The following TAF1 variants were observed in gnomAD, a reference collection of about 807,000 sequenced individuals.
TAF1 encodes TATA-box binding protein associated factor 1, also known as transcription initiation factor TFIID subunit 1.
Under a neutral mutation model 138.5 loss-of-function variants are expected in TAF1, and 2 were observed. That is an observed-to-expected ratio of 0.01 (90% CI 0.01 to 0.05). TAF1 has a LOEUF of 0.05. Ranked by LOEUF, TAF1 falls within the 10% of genes least tolerant of loss-of-function variation. The probability of loss-of-function intolerance (pLI) is 1.00; values close to 1 mark genes in which losing one functional copy is unlikely to be tolerated. For missense variants in TAF1, 709 were observed against 1,478.0 expected (o/e 0.48, Z 8.53); for synonymous variants, 437 against 503.2 (o/e 0.87, Z 1.76).
At chrX:71,438,779 A>G (rs2037271441) in intron 32 of TAF1, among the ~76,000 whole-genome samples, 6 of 111,727 alleles carry the variant, frequency 5.4e-5, no homozygotes, top group Admixed American at 4.8e-4. Flanking sequence ...CCTGGCCAAC[A>G]TGGTGAAACC....
intron 32 of TAF1, among the ~76,000 whole-genome samples, chrX:71,429,557 C>T (rs1425778621): frequency 9.1e-6 from 1 of 109,778 alleles, no homozygotes; most frequent in African/African-American, 3.3e-5. Context: ...GGTAGAGGGG[C>T]CAAATCATGA....
chrX:71,528,463 T>G (rs1331717507), intron 13 of TAF1: 9 of 281,887 alleles, frequency 3.2e-5, no homozygotes, highest in Admixed American at 1.6e-4. Flanking sequence ...GATTCTGTAT[T>G]GGAGGTAGTA....
chrX:71,382,216 A>G (rs1326378067), intron 9 of TAF1, among the ~76,000 whole-genome samples: 2 of 111,865 alleles, frequency 1.8e-5, no homozygotes, highest in African/African-American at 6.5e-5. Flanking sequence ...AAATTGTGGC[A>G]GTTAGTTTTT....
At position 71,432,499 on chromosome X, in the gene TAF1, CTTTT is replaced by C. The variant is rs200161016; in HGVS notation, c.4753+8272_4753+8275del. On this transcript the variant is annotated intron_variant, in intron 32 of 37. Transcript: ENST00000423759. The stretch of plus-strand genomic sequence containing the variant: ...TTGAAGGTCCAGCTGAAGATGGAGA[CTTTT>C]TTTTTTTTTTGGCAGTATCAGTTGG... 1.1e-4 allele frequency among the ~76,000 whole-genome samples: 11 copies of C among 97,357 alleles called. No individual in the cohort carries two copies. In the East Asian group the frequency reaches 2.5e-3, roughly 22 times the overall value. The allele number at this position is 97,357 out of a possible 115,157, so 84.5% of individuals were successfully genotyped here.
At chrX:71,405,662 T>G (rs914610281) in intron 25 of TAF1, among the ~76,000 whole-genome samples, 3 of 112,444 alleles carry the variant, frequency 2.7e-5, no homozygotes, top group Non-Finnish European at 5.6e-5. Context: ...CCATCCTTGT[T>G]GATTTAATTA....
chrX:71,379,021 T>C lies in TAF1; in HGVS notation c.1350T>C (p.Asn450=), dbSNP rs575106794. The change falls in exon 8 of 38, where the codon AAT becomes AAC. Residue 450 remains asparagine (N), a synonymous_variant. Coordinates refer to ENST00000423759, the MANE Select transcript of TAF1 (RefSeq NM_004606.5). The part of the protein sequence containing the change: ...SSMTRNAMAY[N]VQQGFAATLD... ...TGACTAGGAATGCGATGGCTTACAATGTTCAGCAAGGTGTGCTTCTGTGCC... is the reference window on the plus strand; with the variant it reads ...TGACTAGGAATGCGATGGCTTACAACGTTCAGCAAGGTGTGCTTCTGTGCC... 180 of 1,206,623 alleles carry C rather than the reference T, an allele frequency of 1.5e-4. 3 individuals are homozygous for C. In the South Asian group the frequency reaches 3.1e-3, roughly 21 times the overall value.
intron 32 of TAF1, chrX:71,441,678 T>C: frequency 3.3e-6 from 1 of 301,509 alleles, no homozygotes; most frequent in Non-Finnish European, 6.3e-6. Context: ...TAGCTATAAT[T>C]TTGTATCTTT....
chrX:71,475,926 T>G (rs1053868291), intron 13 of TAF1, among the ~76,000 whole-genome samples: 1 of 110,566 alleles, frequency 9.0e-6, no homozygotes, highest in Non-Finnish European at 1.9e-5. Context: ...TCTGGTTGTT[T>G]GAAAGAATGT....
Position 71,441,114 on chromosome X carries a change from T to C in TAF1, c.4754-13056T>C, listed in dbSNP as rs189446566. Among the ~76,000 whole-genome samples the C allele has an allele frequency of 7.2e-5, 8 of 110,956 alleles. No homozygotes were observed. In the Admixed American group the frequency reaches 7.8e-4, roughly 11 times the overall value. ...CAGGGTTTCATGATGTTGGCCAGGT[T>C]GGTCTCGAACTCCTGGCTTCAAGTG... On this transcript the variant is annotated intron_variant, in intron 32 of 37. Transcript: ENST00000423759.
chrX:71,434,842 A>G (rs1203713644), intron 32 of TAF1, among the ~76,000 whole-genome samples: 3 of 112,820 alleles, frequency 2.7e-5, no homozygotes, highest in African/African-American at 9.7e-5. Context: ...CAACAGTTAA[A>G]GGAGAGAGTC....
In TAF1 at chrX:71,446,299, G is replaced by A. The variant is rs778845172; in HGVS notation, c.4754-7871G>A. Among the ~76,000 whole-genome samples, 52 of 111,897 alleles carry A rather than the reference G, an allele frequency of 4.6e-4. 1 individual carries two copies. The highest frequency in any genetic ancestry group is 1.6e-3 in the African/African-American group (49 of 30,824). Reference sequence around the variant, plus strand: ...GATATTTTGAAATTGTGTTCCAAAAGGCTATACCTGTTTGTAGTCAAAATA... The same window carrying A: ...GATATTTTGAAATTGTGTTCCAAAAAGCTATACCTGTTTGTAGTCAAAATA... On this transcript the variant is annotated intron_variant, in intron 32 of 37. Coordinates refer to ENST00000423759, the MANE Select transcript of TAF1 (RefSeq NM_004606.5).
At chrX:71,453,248 G>A (rs2038125185) in intron 32 of TAF1, among the ~76,000 whole-genome samples, 1 of 111,353 alleles carries the variant, frequency 9.0e-6, no homozygotes. Context: ...CATACATACA[G>A]CCTCCCCAGT....
chrX:71,405,069 G>C (rs1181028191), intron 25 of TAF1, among the ~76,000 whole-genome samples: 1 of 101,990 alleles, frequency 9.8e-6, no homozygotes, highest in Non-Finnish European at 2.0e-5. Flanking sequence ...AGATTCTCTT[G>C]CCTCAGCCTC....
chrX:71,524,676 C>A (rs908888097), intron 13 of TAF1, among the ~76,000 whole-genome samples: 1 of 108,841 alleles, frequency 9.2e-6, no homozygotes, highest in Non-Finnish European at 1.9e-5. Context: ...GGTGTGGTGG[C>A]TCACGCCTGT....
At position 71,378,807 on chromosome X, in the gene TAF1, C is replaced by T. The variant is rs1373694975; in HGVS notation, c.1153-17C>T. The stretch of plus-strand genomic sequence containing the variant: ...GTGACCAATCAAGGATGTGTTTTTT[C>T]TTCCCTACTTACACAGGAATTTAGG... On this transcript the variant is annotated splice_polypyrimidine_tract_variant and intron_variant, in intron 7 of 37. Coordinates refer to ENST00000423759, the MANE Select transcript of TAF1 (RefSeq NM_004606.5). 1 of 1,205,224 alleles carries T rather than the reference C, an allele frequency of 8.3e-7. No individual in the cohort carries two copies. The highest frequency in any genetic ancestry group is 1.1e-6 in the Non-Finnish European group (1 of 891,230).
chrX:71,432,441 G>T (rs2036933601), intron 32 of TAF1, among the ~76,000 whole-genome samples: 1 of 111,371 alleles, frequency 9.0e-6, no homozygotes, highest in Non-Finnish European at 1.9e-5. Context: ...GAGCTGATTA[G>T]GGACATTTCA....
chrX:71,482,719 C>T (rs1433370343), intron 13 of TAF1, among the ~76,000 whole-genome samples: 1 of 111,533 alleles, frequency 9.0e-6, no homozygotes, highest in Non-Finnish European at 1.9e-5. Flanking sequence ...GTTGGGGTGG[C>T]TGTGGCAATA....
In TAF1 at chrX:71,385,064, C is replaced by A. The variant is rs757963126; in HGVS notation, c.2226+15C>A. 1.7e-6 allele frequency: 2 copies of A among 1,143,148 alleles called. No individual in the cohort carries two copies. Among genetic ancestry groups the A allele is most frequent in the South Asian group, 3.8e-5 (2 of 53,260 alleles). 94.2% of individuals were successfully genotyped at this position (1,143,148 alleles called of 1,213,427 possible). The stretch of plus-strand genomic sequence containing the variant: ...AATTGCTGCAAGTGAGGAATTCTTT[C>A]CTGTTTTTACTGTTAACTAAGGAAA... On this transcript the variant is annotated intron_variant, in intron 14 of 37. Coordinates refer to ENST00000423759, the MANE Select transcript of TAF1 (RefSeq NM_004606.5).
chrX:71,411,395 CTT>C (rs1239622349), intron 28 of TAF1, among the ~76,000 whole-genome samples: 1 of 111,460 alleles, frequency 9.0e-6, no homozygotes, highest in Non-Finnish European at 1.9e-5. Flanking sequence ...ATGAGAATCA[CTT>C]GAATCTGGGA....
Sources: allele counts gnomAD v4.1 joint callset (sites outside exome capture counted in the v4.1 genomes callset), GRCh38; gene constraint gnomAD v4.1.1; transcripts MANE v1.5; gene names NCBI Gene and HGNC (gene_info 2026-07-23, HGNC 2026-07-21).